AEBP2: variants seen among roughly 807,000 people sequenced by gnomAD.
AEBP2 encodes zinc finger protein AEBP2.
In AEBP2, 10 loss-of-function variants were observed where a neutral mutation model predicts 50.8. That is an observed-to-expected ratio of 0.20 (90% CI 0.12 to 0.33). The LOEUF (loss-of-function observed/expected upper bound fraction) is 0.33, where lower values mean the gene tolerates loss of function less well. Ranked by LOEUF, AEBP2 falls within the 10% of genes least tolerant of loss-of-function variation. The pLI is 1.00. For synonymous variants in AEBP2, 296 were observed against 261.3 expected (o/e 1.13, Z -1.28); for missense variants, 570 against 688.0 (o/e 0.83, Z 1.92).
chr12:19,418,687 T>C (rs1050961093), intron 1 of AEBP2, among the ~76,000 whole-genome samples: 3 of 152,184 alleles, frequency 2.0e-5, no homozygotes, highest in African/African-American at 7.2e-5. Flanking sequence ...ATGTCTTATG[T>C]ATCCCTAAAA....
At chr12:19,427,940 T>G (rs1478411455) in intron 1 of AEBP2, among the ~76,000 whole-genome samples, 1 of 152,082 alleles carries the variant, frequency 6.6e-6, no homozygotes, top group Admixed American at 6.6e-5. Context: ...GAAGTTTCTC[T>G]CTTGTTGCCC....
rs992874898 is a variant in AEBP2, at chr12:19,520,345, G to A, written c.*2228G>A. On this transcript the variant is annotated 3_prime_UTR_variant, in exon 8 of 8. Coordinates refer to ENST00000266508, the MANE Select transcript of AEBP2 (RefSeq NM_153207.5). The stretch of plus-strand genomic sequence containing the variant: ...TTTCATTGTGTAGAAATACTTAGAT[G>A]TCAAAACCAGATTTCGTGATCCTTG... 1 of 152,110 alleles carries A rather than the reference G, an allele frequency of 6.6e-6. No individual in the cohort carries two copies. Among genetic ancestry groups the A allele is most frequent in the Non-Finnish European group, 1.5e-5 (1 of 68,006 alleles). The allele number at this position is 152,110 out of a possible 1,614,324, so 9.4% of individuals were successfully genotyped here. A position where few individuals can be genotyped will look rare whatever the true frequency, so the allele number is the denominator to read the frequency against.
At chr12:19,432,252 A>T (rs182857509) in intron 1 of AEBP2, among the ~76,000 whole-genome samples, 1 of 152,340 alleles carries the variant, frequency 6.6e-6, no homozygotes, top group African/African-American at 2.4e-5. Context: ...TGGATCCCTA[A>T]GAGAAACAGA....
chr12:19,440,830 C>G (rs952915425), intron 1 of AEBP2: 17 of 1,413,360 alleles, frequency 1.2e-5, no homozygotes, highest in Non-Finnish European at 1.6e-5. Context: ...ACTTCCTTGT[C>G]CATGGGAGAG....
At chr12:19,509,030 A>G in intron 5 of AEBP2, 2 of 580,358 alleles carry the variant, frequency 3.4e-6, no homozygotes, top group Non-Finnish European at 6.6e-6. Context: ...GAAAGCACCA[A>G]AATCTGCATG....
intron 1 of AEBP2, chr12:19,456,378 G>A (rs1175714715): frequency 1.2e-5 from 16 of 1,370,812 alleles, no homozygotes; most frequent in Non-Finnish European, 1.6e-5. Context: ...ACCCAGAGGT[G>A]GGTAGTCTGA....
chr12:19,465,062 T>C (rs1244829199), intron 2 of AEBP2, among the ~76,000 whole-genome samples: 1 of 152,144 alleles, frequency 6.6e-6, no homozygotes, highest in Non-Finnish European at 1.5e-5. Context: ...AAAATATCAC[T>C]TGATTACCAA....
intron 1 of AEBP2, chr12:19,445,990 G>A (rs1233419840): frequency 1.3e-5 from 2 of 152,132 alleles, no homozygotes; most frequent in Non-Finnish European, 2.9e-5. Context: ...TCATCCTTGT[G>A]CAGGGGCCAT....
intron 1 of AEBP2, among the ~76,000 whole-genome samples, chr12:19,424,803 TTCAA>T (rs2095747686): frequency 6.6e-6 from 1 of 150,968 alleles, no homozygotes; most frequent in Non-Finnish European, 1.5e-5. Context: ...AGGTCAGGAG[TTCAA>T]GACCAGCCTG....
chr12:19,459,725 A>G (rs888737818), intron 1 of AEBP2, among the ~76,000 whole-genome samples: 1 of 152,290 alleles, frequency 6.6e-6, no homozygotes, highest in East Asian at 1.9e-4. Context: ...TTTAGAATCT[A>G]TATTGACTAG....
At chr12:19,444,274 C>A (rs1228679448) in intron 1 of AEBP2, among the ~76,000 whole-genome samples, 1 of 152,158 alleles carries the variant, frequency 6.6e-6, no homozygotes, top group African/African-American at 2.4e-5. Context: ...CAAATGTCAG[C>A]ACTTGTTACT....
intron 1 of AEBP2, among the ~76,000 whole-genome samples, chr12:19,455,944 CTTT>C (rs34819318): frequency 1.4e-5 from 2 of 140,756 alleles, no homozygotes; most frequent in South Asian, 4.3e-4. Flanking sequence ...TCAAAGAGAT[CTTT>C]TTTTTTTTCC....
At chr12:19,461,118 A>C (rs1392758244) in intron 1 of AEBP2, among the ~76,000 whole-genome samples, 1 of 152,196 alleles carries the variant, frequency 6.6e-6, no homozygotes, top group Non-Finnish European at 1.5e-5. Context: ...TCCATGATAA[A>C]AACTTGGCGG....
intron 1 of AEBP2, chr12:19,457,006 C>T (rs1445187885): frequency 2.5e-6 from 4 of 1,587,526 alleles, no homozygotes; most frequent in Non-Finnish European, 3.4e-6. Context: ...TCCCTTGAAC[C>T]AAGGCATGTT....
chr12:19,414,545 C>T (rs1046207949), intron 1 of AEBP2, among the ~76,000 whole-genome samples: 1 of 152,172 alleles, frequency 6.6e-6, no homozygotes, highest in African/African-American at 2.4e-5. Flanking sequence ...AGGCATCACT[C>T]TCAACATGGG....
intron 4 of AEBP2, among the ~76,000 whole-genome samples, chr12:19,496,919 G>A (rs1948991146): frequency 6.6e-6 from 1 of 151,594 alleles, no homozygotes; most frequent in South Asian, 2.1e-4. Context: ...ACCCATCTCA[G>A]CCTCCCAAAG....
intron 6 of AEBP2, among the ~76,000 whole-genome samples, chr12:19,513,141 G>A (rs1057106673): frequency 5.3e-5 from 8 of 152,070 alleles, no homozygotes; most frequent in Non-Finnish European, 1.0e-4. Flanking sequence ...CCTCCAAGCA[G>A]TATACAAGCA....
intron 2 of AEBP2, among the ~76,000 whole-genome samples, chr12:19,468,183 C>G (rs1036462616): frequency 1.6e-5 from 2 of 126,838 alleles, no homozygotes. Context: ...GACAGTCTTA[C>G]TATGTTGTCC....
intron 1 of AEBP2, among the ~76,000 whole-genome samples, chr12:19,433,915 C>T (rs565022613): frequency 7.6e-4 from 116 of 151,980 alleles, no homozygotes; most frequent in Admixed American, 1.2e-3. Flanking sequence ...GGCGCGATCT[C>T]GGCTCACTGC....
Sources: allele counts gnomAD v4.1 joint callset (sites outside exome capture counted in the v4.1 genomes callset), GRCh38; gene constraint gnomAD v4.1.1; transcripts MANE v1.5; gene names NCBI Gene and HGNC (gene_info 2026-07-23, HGNC 2026-07-21).